KIAA0232: variants seen among roughly 807,000 people sequenced by gnomAD.
KIAA0232 encodes KIAA0232.
Under a neutral mutation model 122.0 loss-of-function variants are expected in KIAA0232, and 27 were observed. The observed-to-expected ratio is 0.22, with a 90% CI of 0.16 to 0.31. KIAA0232 has a LOEUF of 0.31. Among genes scored for constraint, KIAA0232 ranks in the 10% least tolerant of loss-of-function variants. KIAA0232 has a pLI of 1.00. For synonymous variants in KIAA0232, 613 were observed against 587.6 expected (o/e 1.04, Z -0.63); for missense variants, 1,551 against 1,634.2 (o/e 0.95, Z 0.88).
intron 2 of KIAA0232, among the ~76,000 whole-genome samples, chr4:6,814,542 A>G (rs1718032437): frequency 6.6e-6 from 1 of 152,146 alleles, no homozygotes; most frequent in Non-Finnish European, 1.5e-5. Flanking sequence ...AATACCTTCA[A>G]TTTGTATGCT....
intron 7 of KIAA0232, among the ~76,000 whole-genome samples, chr4:6,867,345 C>T (rs1315935551): frequency 6.6e-6 from 1 of 152,122 alleles, no homozygotes; most frequent in Non-Finnish European, 1.5e-5. Context: ...GCAGTCCAGG[C>T]AGAAGGAACA....
At position 6,866,390 on chromosome 4, in the gene KIAA0232, C is replaced by T. The variant is rs1165835210; in HGVS notation, c.3801+2207C>T. On this transcript the variant is annotated intron_variant, in intron 7 of 9. Coordinates refer to ENST00000307659, the MANE Select transcript of KIAA0232 (RefSeq NM_014743.3). ...TTAGATGTTGTCAGCACTGCTCTCTCGGCAGCATTGTTATACTTTAGAAGC... is the reference window on the plus strand; with the variant it reads ...TTAGATGTTGTCAGCACTGCTCTCTTGGCAGCATTGTTATACTTTAGAAGC... 5.2e-5 allele frequency: 9 copies of T among 173,812 alleles called. No individual in the cohort carries two copies. In the East Asian group the frequency reaches 5.7e-4, roughly 11 times the overall value. 10.8% of individuals were successfully genotyped at this position (173,812 alleles called of 1,614,324 possible).
chr4:6,787,541 C>A lies in KIAA0232; in HGVS notation c.-354+4700C>A, dbSNP rs532475716. 1.1e-4 allele frequency among the ~76,000 whole-genome samples: 17 copies of A among 152,328 alleles called. 1 individual carries two copies. The highest frequency in any genetic ancestry group is 3.8e-4 in the African/African-American group (16 of 41,580). On this transcript the variant is annotated intron_variant, in intron 1 of 9. Transcript: ENST00000307659. ...TTTGCTTTATAGCATTTTTGTCCTA[C>A]TTGTTACCCAGCCTGGAAACCTTTA... is the stretch of plus-strand genomic sequence containing the variant.
chr4:6,819,797 A>T (rs961548821), intron 2 of KIAA0232, among the ~76,000 whole-genome samples: 1 of 152,188 alleles, frequency 6.6e-6, no homozygotes, highest in Non-Finnish European at 1.5e-5. Context: ...ACATGTACTC[A>T]TATGTTCATC....
rs201585791 is a variant in KIAA0232, at chr4:6,861,561, C to T, written c.1179C>T (p.Asp393=). 6.2e-7 allele frequency: 1 copy of T among 1,614,036 alleles called. No individual in the cohort carries two copies. Among genetic ancestry groups the T allele is most frequent in the Non-Finnish European group, 8.5e-7 (1 of 1,180,012 alleles). ...ACCTGTACATGGAGAATAGAAAGGA[C>T]ACAGAGTATAAAGAGGAGCCCTTGT... is the stretch of plus-strand genomic sequence containing the variant. The part of the protein sequence containing the change: ...GKDLYMENRK[D]TEYKEEPLWY... Residue 393 remains aspartate, a synonymous_variant, in exon 7 of 10, where the codon GAC becomes GAT. Coordinates refer to ENST00000307659, the MANE Select transcript of KIAA0232 (RefSeq NM_014743.3).
intron 5 of KIAA0232, among the ~76,000 whole-genome samples, chr4:6,857,714 AAC>A (rs1720637113): frequency 1.3e-5 from 2 of 152,180 alleles, no homozygotes. Flanking sequence ...CTTTTTTGAA[AAC>A]ACAGACTTGG....
intron 2 of KIAA0232, among the ~76,000 whole-genome samples, chr4:6,809,902 C>T (rs538721701): frequency 4.6e-5 from 7 of 152,136 alleles, no homozygotes; most frequent in African/African-American, 1.7e-4. Flanking sequence ...CCAAGGAAGA[C>T]TACAAAATAC....
chr4:6,842,389 T>C (rs1343613209), intron 4 of KIAA0232, among the ~76,000 whole-genome samples, 185 bp downstream of exon 4: 1 of 152,154 alleles, frequency 6.6e-6, no homozygotes, highest in African/African-American at 2.4e-5. Context: ...TTTTATATGC[T>C]TTTCTTTTAT....
chr4:6,847,467 A>T (rs1277683216), intron 4 of KIAA0232, among the ~76,000 whole-genome samples: 1 of 152,232 alleles, frequency 6.6e-6, no homozygotes, highest in Non-Finnish European at 1.5e-5. Flanking sequence ...GTCAGAATTT[A>T]ATTTTATACA....
chr4:6,833,943 C>T (rs1447103747), intron 3 of KIAA0232, among the ~76,000 whole-genome samples: 2 of 152,150 alleles, frequency 1.3e-5, no homozygotes, highest in Non-Finnish European at 2.9e-5. Context: ...GAGATTTCCC[C>T]CGCTTACTGT....
chr4:6,825,474 G>A (rs1347614762), intron 3 of KIAA0232, among the ~76,000 whole-genome samples: 2 of 152,118 alleles, frequency 1.3e-5, no homozygotes, highest in African/African-American at 2.4e-5. Context: ...AGGATCACTT[G>A]AGCCCAGAAA....
intron 3 of KIAA0232, among the ~76,000 whole-genome samples, chr4:6,837,166 G>A (rs1026766694): frequency 1.3e-5 from 2 of 151,666 alleles, no homozygotes; most frequent in African/African-American, 2.4e-5. Context: ...GCCGGCTGGC[G>A]GGGCGGAGGG....
At position 6,831,245 on chromosome 4, in the gene KIAA0232, A is replaced by G. The variant is rs187443630; in HGVS notation, c.231+6561A>G. 2.4e-3 allele frequency among the ~76,000 whole-genome samples: 361 copies of G among 152,022 alleles called. 3 individuals carry two copies. Among genetic ancestry groups the G allele is most frequent in the South Asian group, 0.011 (51 of 4,824 alleles). ...TAATTTTTGTATTTTTAGTGGAGAC[A>G]GGGTTTCACTATGTTGGTCAGGCTG... On this transcript the variant is annotated intron_variant, in intron 3 of 9. Coordinates refer to ENST00000307659, the MANE Select transcript of KIAA0232 (RefSeq NM_014743.3).
intron 9 of KIAA0232, among the ~76,000 whole-genome samples, chr4:6,877,822 C>A (rs1577423723): frequency 1.3e-5 from 2 of 152,278 alleles, no homozygotes; most frequent in African/African-American, 4.8e-5. Context: ...CCCCCACAGA[C>A]ACACCCAGGA....
chr4:6,860,851 T>A (rs1379248306), intron 6 of KIAA0232, 50 bp from the exon 7 acceptor site: 1 of 1,496,042 alleles, frequency 6.7e-7, no homozygotes, highest in Admixed American at 2.0e-5. Context: ...TTTTACTGTA[T>A]CTAAAAAATC....
At chr4:6,788,637 C>T (rs1274569600) in intron 1 of KIAA0232, among the ~76,000 whole-genome samples, 1 of 152,218 alleles carries the variant, frequency 6.6e-6, no homozygotes, top group Non-Finnish European at 1.5e-5. Context: ...CTGATTTCCT[C>T]TAGTGTGCAA....
In KIAA0232 at chr4:6,864,054, A is replaced by G. The variant is rs1407316891; in HGVS notation, c.3672A>G (p.Glu1224=). ...ATGAATCCCTGGAAATAGATTTAGA[A>G]AGCTCAGAAGCAAATTGTAAAATAA... The part of the protein sequence containing the change: ...SMNESLEIDL[E]SSEANCKIMA... Residue 1224 remains glutamate (E), a synonymous_variant, in exon 7 of 10, where the codon GAA becomes GAG. Transcript: ENST00000307659. 6.2e-7 allele frequency: 1 copy of G among 1,614,218 alleles called. No individual in the cohort carries two copies. The highest frequency in any genetic ancestry group is 2.2e-5 in the East Asian group (1 of 44,876).
rs944686482 is a variant in KIAA0232 at position 6,882,206 on chromosome 4, C to A, written c.*1240C>A. The stretch of plus-strand genomic sequence containing the variant: ...AGGAGCAGTATGTGCACAGCCGAAA[C>A]ATTTTACATTTTTTACATTGTTTTT... On this transcript the variant is annotated 3_prime_UTR_variant, in exon 10 of 10. Coordinates refer to ENST00000307659, the MANE Select transcript of KIAA0232 (RefSeq NM_014743.3). 18 of 152,204 alleles carry A rather than the reference C, an allele frequency of 1.2e-4. No individual in the cohort carries two copies. The highest frequency in any genetic ancestry group is 2.1e-4 in the Non-Finnish European group (14 of 68,026). The allele number at this position is 152,204 out of a possible 1,614,324, so 9.4% of individuals were successfully genotyped here.
chr4:6,861,745 C>T lies in KIAA0232; in HGVS notation c.1363C>T (p.Leu455Phe). 1 of 1,614,184 alleles carries T rather than the reference C, an allele frequency of 6.2e-7. No individual in the cohort carries two copies. The highest frequency in any genetic ancestry group is 8.5e-7 in the Non-Finnish European group (1 of 1,180,036). The change falls in exon 7 of 10, where the codon CTT becomes TTT. Residue 455 changes from leucine (L) to phenylalanine (F), a missense_variant. Physicochemically the swap from Leu to Phe is conservative, Grantham distance 22. Transcript: ENST00000307659. ...TGGTCTTTGTATCAGCAACAATAAT[C>T]TTCATAAAACATACCTCGCAGCAGG... ...VHGLCISNNNLHKTYLAAGTF... is the reference protein window; with the variant it reads ...VHGLCISNNNFHKTYLAAGTF...
Sources: gnomAD v4.1 joint callset for allele counts (sites outside exome capture counted in the v4.1 genomes callset) on GRCh38, gnomAD v4.1.1 for gene constraint, MANE v1.5 for transcripts, NCBI Gene and HGNC (gene_info 2026-07-23, HGNC 2026-07-21) for gene names.